The following LIMCH1 variants were observed in gnomAD, a reference collection of about 807,000 sequenced individuals.
LIMCH1 encodes LIM and calponin homology domains-containing protein 1.
A neutral mutation model predicts 176.5 loss-of-function variants in LIMCH1; 113 were observed. The observed-to-expected ratio is 0.64, with a 90% confidence interval of 0.55 to 0.75. LIMCH1 has a LOEUF of 0.75. LIMCH1 is among the 30% of genes least tolerant of loss of function. The pLI, the probability that LIMCH1 is intolerant of heterozygous loss-of-function variation, is 0.00. For missense variants in LIMCH1, 1,674 were observed against 1,814.9 expected (o/e 0.92, Z 1.41); for synonymous variants, 619 against 645.9 (o/e 0.96, Z 0.63).
At chr4:41,422,334 C>T (rs980807372) in intron 1 of LIMCH1, among the ~76,000 whole-genome samples, 3 of 152,046 alleles carry the variant, frequency 2.0e-5, no homozygotes, top group African/African-American at 4.8e-5. Context: ...ATTATAGGCG[C>T]GCATCACCAT....
chr4:41,678,491 A>G (rs1201594877), intron 23 of LIMCH1, among the ~76,000 whole-genome samples: 1 of 152,192 alleles, frequency 6.6e-6, no homozygotes, highest in East Asian at 1.9e-4. Context: ...TGGGAGAGTT[A>G]GGTGCTCATT....
chr4:41,560,886 G>A (rs11940415), intron 1 of LIMCH1, among the ~76,000 whole-genome samples: 11,272 of 151,684 alleles, frequency 0.074, 546 homozygotes, highest in African/African-American at 0.14. Flanking sequence ...GGTGTGGTGC[G>A]CTTCCCCATA....
chr4:41,492,694 A>G (rs77558243), intron 1 of LIMCH1, among the ~76,000 whole-genome samples: 442 of 152,242 alleles, frequency 2.9e-3, no homozygotes, highest in Non-Finnish European at 5.2e-3. Context: ...TGTCCTGTCA[A>G]TTATTGAAGA....
chr4:41,386,357 A>T lies in LIMCH1; in HGVS notation c.96+25421A>T, dbSNP rs192259788. On this transcript the variant is annotated intron_variant, in intron 1 of 26. Coordinates refer to the LIMCH1 transcript ENST00000313860. ...GGAAGTAGCTTGGGAAAGTTACTTAACCTCTCCAAACATCAGTTTTCTTAT... is the reference window on the plus strand; with the variant it reads ...GGAAGTAGCTTGGGAAAGTTACTTATCCTCTCCAAACATCAGTTTTCTTAT... 8.5e-4 allele frequency among the ~76,000 whole-genome samples: 130 copies of T among 152,314 alleles called. 1 individual carries two copies. Among genetic ancestry groups the T allele is most frequent in the Middle Eastern group, 3.4e-3 (1 of 294 alleles).
chr4:41,654,690 G>A (rs1315585575), intron 18 of LIMCH1, among the ~76,000 whole-genome samples: 1 of 152,148 alleles, frequency 6.6e-6, no homozygotes, highest in Non-Finnish European at 1.5e-5. Context: ...TTGAAGTGGA[G>A]GAGGGGCTAT....
chr4:41,582,767 AATG>A (rs1166544999), intron 1 of LIMCH1, among the ~76,000 whole-genome samples: 2 of 152,218 alleles, frequency 1.3e-5, no homozygotes, highest in Non-Finnish European at 1.5e-5. Context: ...ATAAGTCAGT[AATG>A]ATGATGATCA....
Position 41,678,364 on chromosome 4 carries a change from A to T in LIMCH1, c.3520-1642A>T, listed in dbSNP as rs146727550. 1.4e-3 allele frequency among the ~76,000 whole-genome samples: 210 copies of T among 152,242 alleles called. 3 individuals carry two copies. The highest frequency in any genetic ancestry group is 4.6e-3 in the African/African-American group (193 of 41,538). On this transcript the variant is annotated intron_variant, in intron 23 of 31. Coordinates refer to ENST00000503057, the MANE Select transcript of LIMCH1 (RefSeq NM_001330672.2). ...TTAAGTTTGGCATTTTGTAACTTGC[A>T]GAAGGTTAAGCCTTCAATACCAAAC...
At chr4:41,533,503 A>G (rs2077548073), upstream of LIMCH1, among the ~76,000 whole-genome samples, 1 of 152,216 alleles carries the variant, frequency 6.6e-6, no homozygotes, top group Admixed American at 6.5e-5. Flanking sequence ...TTCCTTGGTT[A>G]ACCTTTCTTG....
At chr4:41,503,502 C>T (rs1305412195) in intron 2 of LIMCH1, among the ~76,000 whole-genome samples, 1 of 152,208 alleles carries the variant, frequency 6.6e-6, no homozygotes, top group South Asian at 2.1e-4. Flanking sequence ...GCCTTTGGAA[C>T]TTCTAGTGGA....
At chr4:41,650,698 CAT>C in intron 18 of LIMCH1, 90 bp downstream of exon 18, 14 of 1,104,440 alleles carry the variant, frequency 1.3e-5, no homozygotes, top group Non-Finnish European at 1.7e-5. Context: ...TGATAATGAC[CAT>C]TTCTTTCTAT....
intron 2 of LIMCH1, among the ~76,000 whole-genome samples, chr4:41,512,883 T>C (rs2152364129): frequency 6.6e-6 from 1 of 152,316 alleles, no homozygotes; most frequent in East Asian, 1.9e-4. Flanking sequence ...ACATTTTCAG[T>C]GGGTAAACTA....
At chr4:41,436,183 TG>T (rs1299642405) in intron 1 of LIMCH1, among the ~76,000 whole-genome samples, 1 of 152,192 alleles carries the variant, frequency 6.6e-6, no homozygotes, top group African/African-American at 2.4e-5. Flanking sequence ...GTTCCCTCTT[TG>T]GAGGTGATTG....
chr4:41,486,993 CACACACACAT>C (rs2069705561), intron 1 of LIMCH1, among the ~76,000 whole-genome samples: 2 of 150,862 alleles, frequency 1.3e-5, no homozygotes, highest in African/African-American at 4.9e-5. Context: ...CACACACACA[CACACACACAT>C]ATATATATAC....
chr4:41,671,715 C>T (rs1585682169), intron 22 of LIMCH1, 121 bp downstream of exon 22: 1 of 724,646 alleles, frequency 1.4e-6, no homozygotes, highest in Non-Finnish European at 2.4e-6. Context: ...GTAATCCCAA[C>T]ACTTTGGGAG....
At chr4:41,434,138 G>A (rs2061847660) in intron 1 of LIMCH1, among the ~76,000 whole-genome samples, 1 of 152,222 alleles carries the variant, frequency 6.6e-6, no homozygotes, top group South Asian at 2.1e-4. Context: ...GATGGCAGAA[G>A]GAGCCAGATG....
chr4:41,595,816 G>A (rs570834631), intron 1 of LIMCH1, among the ~76,000 whole-genome samples: 1 of 151,938 alleles, frequency 6.6e-6, no homozygotes, highest in South Asian at 2.1e-4. Context: ...CCAGCACGTT[G>A]CAGGGCCAAG....
chr4:41,605,355 T>C (rs1291552909), intron 3 of LIMCH1, among the ~76,000 whole-genome samples: 2 of 152,220 alleles, frequency 1.3e-5, no homozygotes, highest in Admixed American at 6.5e-5. Context: ...CTTTTGACTT[T>C]AATTAGATAT....
At chr4:41,481,530 G>A (rs1373255180) in intron 1 of LIMCH1, among the ~76,000 whole-genome samples, 1 of 152,218 alleles carries the variant, frequency 6.6e-6, no homozygotes, top group Non-Finnish European at 1.5e-5. Flanking sequence ...AAGATCCCTG[G>A]ATGCTGTGTG....
At chr4:41,524,154 GC>G (rs2076388255) in intron 2 of LIMCH1, among the ~76,000 whole-genome samples, 1 of 152,116 alleles carries the variant, frequency 6.6e-6, no homozygotes, top group Non-Finnish European at 1.5e-5. Flanking sequence ...TTTCCTTGAA[GC>G]CCTCCTCAGT....
Sources: allele counts gnomAD v4.1 joint callset (sites outside exome capture counted in the v4.1 genomes callset), GRCh38; gene constraint gnomAD v4.1.1; transcripts MANE v1.5; gene names NCBI Gene and HGNC (gene_info 2026-07-23, HGNC 2026-07-21).